Variants in FBXO15 observed in about 807,000 individuals in gnomAD.
The protein encoded by FBXO15 is F-box only protein 15.
Under a neutral mutation model 49.5 loss-of-function variants are expected in FBXO15, and 30 were observed. That is an observed-to-expected ratio of 0.61 (90% CI 0.45 to 0.82). The LOEUF is 0.82. Ranked by LOEUF, FBXO15 falls within the 40% of genes least tolerant of loss-of-function variation. The pLI is 0.00. For synonymous variants in FBXO15, 250 were observed against 232.7 expected (o/e 1.07, Z -0.68); for missense variants, 591 against 631.5 (o/e 0.94, Z 0.69).
chr18:74,086,387 A>G (rs1249885662), intron 8 of FBXO15, among the ~76,000 whole-genome samples: 1 of 152,146 alleles, frequency 6.6e-6, no homozygotes, highest in East Asian at 1.9e-4. Context: ...CATACCCTTG[A>G]CATTTTCTAT....
chr18:74,130,379 C>T, intron 4 of FBXO15, 37 bp downstream of exon 4: 1 of 1,610,792 alleles, frequency 6.2e-7, no homozygotes, highest in Middle Eastern at 1.7e-4. Flanking sequence ...ATACTTTGAG[C>T]TGATGCCATC....
At chr18:74,115,098 A>T (rs1157552346) in intron 8 of FBXO15, among the ~76,000 whole-genome samples, 2 of 152,214 alleles carry the variant, frequency 1.3e-5, no homozygotes, top group African/African-American at 2.4e-5. Flanking sequence ...ACATCCTCAG[A>T]TCTGAAAGGA....
At chr18:74,109,397 C>T (rs1459115943) in intron 8 of FBXO15, among the ~76,000 whole-genome samples, 1 of 152,178 alleles carries the variant, frequency 6.6e-6, no homozygotes, top group African/African-American at 2.4e-5. Flanking sequence ...TAAATTAGTG[C>T]AACCACTGTG....
At chr18:74,133,834 T>TTAAACAACC in intron 3 of FBXO15, among the ~76,000 whole-genome samples, 1 of 152,188 alleles carries the variant, frequency 6.6e-6, no homozygotes, top group South Asian at 2.1e-4. Flanking sequence ...CCAGGCTCTT[T>TTAAACAACC]TAAACAACCA....
chr18:74,103,339 A>C (rs1481888532), intron 8 of FBXO15, among the ~76,000 whole-genome samples: 3 of 151,830 alleles, frequency 2.0e-5, no homozygotes, highest in Non-Finnish European at 4.4e-5. Context: ...AAAAGAAAAA[A>C]GAATGAAAAG....
At chr18:74,095,586 C>T (rs1913239240) in intron 8 of FBXO15, among the ~76,000 whole-genome samples, 1 of 151,906 alleles carries the variant, frequency 6.6e-6, no homozygotes, top group Non-Finnish European at 1.5e-5. Flanking sequence ...TCTGAGGTGC[C>T]CCAAAACAGT....
intron 3 of FBXO15, 115 bp from the exon 4 acceptor site, chr18:74,130,773 G>A (rs1446787275): frequency 7.8e-6 from 9 of 1,158,008 alleles, no homozygotes; most frequent in Non-Finnish European, 1.1e-5. Flanking sequence ...AATAAGCCAA[G>A]CTGAATATTT....
chr18:74,125,993 G>C lies in FBXO15; in HGVS notation c.894C>G (p.Leu298=). ...GTCTTACCTTCCACACTCCCACCAGGAGGCCAGGGTGCAGGCAGAAGATCC... is the reference window on the plus strand; with the variant it reads ...GTCTTACCTTCCACACTCCCACCAGCAGGCCAGGGTGCAGGCAGAAGATCC... ...LIRIFCLHPG[L]LVGVWKKEEE... The change falls in exon 6 of 10, where the codon CTC becomes CTG. Residue 298 remains leucine (L), a synonymous_variant. Transcript: ENST00000419743. 3 of 1,614,066 alleles carry C rather than the reference G, an allele frequency of 1.9e-6. No individual in the cohort carries two copies. The highest frequency in any genetic ancestry group is 2.5e-6 in the Non-Finnish European group (3 of 1,179,970).
At chr18:74,132,884 C>A (rs376744747) in intron 3 of FBXO15, among the ~76,000 whole-genome samples, 3 of 152,190 alleles carry the variant, frequency 2.0e-5, no homozygotes, top group South Asian at 2.1e-4. Flanking sequence ...GTTTTTCTCA[C>A]GCAGAGACAG....
chr18:74,102,198 A>G (rs1913554123), intron 8 of FBXO15, among the ~76,000 whole-genome samples: 1 of 152,102 alleles, frequency 6.6e-6, no homozygotes, highest in Non-Finnish European at 1.5e-5. Flanking sequence ...GAAAATCTTC[A>G]CCATCTATAC....
rs1978680143 is a variant in FBXO15 at position 74,135,803 on chromosome 18, A to G, written c.291T>C (p.Thr97=). 6.2e-7 allele frequency: 1 copy of G among 1,612,586 alleles called. No individual in the cohort carries two copies. The highest frequency in any genetic ancestry group is 1.3e-5 in the African/African-American group (1 of 74,768). The change falls in exon 3 of 10, where the codon ACT becomes ACC. Residue 97 remains threonine (T), a synonymous_variant. Coordinates refer to ENST00000419743, the MANE Select transcript of FBXO15 (RefSeq NM_001142958.2). ...SYLDAVSLLC[T]GCVSRRFYHL... is the part of the protein sequence containing the mutation. ...GATAAAAGCGCCTGCTCACACATCC[A>G]GTACACAGAAGGCTCACAGCATCCA...
At chr18:74,116,883 G>T (rs2145176306) in intron 8 of FBXO15, among the ~76,000 whole-genome samples, 1 of 152,164 alleles carries the variant, frequency 6.6e-6, no homozygotes, top group East Asian at 1.9e-4. Flanking sequence ...CCTACAGCCT[G>T]CCTGGTTAGC....
At position 74,139,839 on chromosome 18, in the gene FBXO15, T is replaced by C. The variant is rs886067873; in HGVS notation, c.227+363A>G. 7.9e-5 allele frequency among the ~76,000 whole-genome samples: 12 copies of C among 152,358 alleles called. No homozygotes were observed. The South Asian group carries it at 1.2e-3, about 16-fold the overall frequency. On this transcript the variant is annotated intron_variant, in intron 2 of 9. Coordinates refer to ENST00000419743, the MANE Select transcript of FBXO15 (RefSeq NM_001142958.2). ...GCCATGGCAAATGGGCTCCCAGATA[T>C]TGAAAGCTGAGAAATGAACAGAGCT...
intron 8 of FBXO15, chr18:74,097,383 T>C (rs1475194362): frequency 2.1e-5 from 2 of 95,798 alleles, no homozygotes; most frequent in African/African-American, 8.3e-5. Context: ...GACTTGGTGC[T>C]GTTGGGGGGT....
intron 8 of FBXO15, 138 bp downstream of exon 8, chr18:74,123,230 C>T: frequency 2.2e-6 from 2 of 893,206 alleles, no homozygotes; most frequent in Non-Finnish European, 3.4e-6. Context: ...CCTGGGATGA[C>T]ACACGGGTCT....
chr18:74,081,980 T>C lies in FBXO15; in HGVS notation c.1210A>G (p.Ile404Val), dbSNP rs1912520265. The change falls in exon 9 of 10, where the codon ATT becomes GTT. Residue 404 changes from isoleucine to valine, a missense_variant. Coordinates refer to ENST00000419743, the MANE Select transcript of FBXO15 (RefSeq NM_001142958.2). ...LKNNREHLPL[I>V]GKVGLSWKTD... ...TTCCACGAGAGGCCAACTTTTCCAATAAGAGGTAGGTGTTCTCTGTTATTT... is the reference window on the plus strand; with the variant it reads ...TTCCACGAGAGGCCAACTTTTCCAACAAGAGGTAGGTGTTCTCTGTTATTT... The C allele has an allele frequency of 6.2e-7, 1 of 1,613,372 alleles. No individual in the cohort carries two copies. The highest frequency in any genetic ancestry group is 1.1e-5 in the South Asian group (1 of 90,964).
chr18:74,082,205 C>T (rs892696342), intron 8 of FBXO15, 154 bp from the exon 9 acceptor site: 8 of 585,898 alleles, frequency 1.4e-5, no homozygotes, highest in Non-Finnish European at 2.2e-5. Flanking sequence ...CAGCCTCTGG[C>T]TTGAGGCCAG....
intron 8 of FBXO15, among the ~76,000 whole-genome samples, chr18:74,089,979 T>C (rs989476000): frequency 1.3e-5 from 2 of 152,190 alleles, no homozygotes; most frequent in Non-Finnish European, 2.9e-5. Flanking sequence ...TGGAATAGTT[T>C]CCCTAGGAAT....
intron 8 of FBXO15, chr18:74,097,383 T>TGTTGGGGG (rs1258851513): frequency 1.0e-5 from 1 of 95,756 alleles, no homozygotes; most frequent in Admixed American, 1.4e-4. Flanking sequence ...GACTTGGTGC[T>TGTTGGGGG]GTTGGGGGGT....
Sources: allele counts gnomAD v4.1 joint callset (sites outside exome capture counted in the v4.1 genomes callset), GRCh38; gene constraint gnomAD v4.1.1; transcripts MANE v1.5; gene names NCBI Gene and HGNC (gene_info 2026-07-23, HGNC 2026-07-21).